The following KCNH8 variants were observed in gnomAD, a reference collection of about 807,000 sequenced individuals.
The protein encoded by KCNH8 is potassium voltage-gated channel subfamily H member 8, also known as voltage-gated delayed rectifier potassium channel KCNH8.
A neutral mutation model predicts 103.6 loss-of-function variants in KCNH8; 70 were observed. That is an observed-to-expected ratio of 0.68 (90% CI 0.56 to 0.82). The LOEUF (loss-of-function observed/expected upper bound fraction) is 0.82. Among genes scored for constraint, KCNH8 ranks in the 40% least tolerant of loss-of-function variants. The probability of loss-of-function intolerance (pLI) is 0.00; values close to 1 mark genes in which losing one functional copy is unlikely to be tolerated. For synonymous variants in KCNH8, 498 were observed against 489.4 expected, an observed-to-expected ratio of 1.02 and a Z score of -0.23; for missense variants, 1,217 against 1,329.9, an observed-to-expected ratio of 0.92 and a Z score of 1.32.
intron 5 of KCNH8, among the ~76,000 whole-genome samples, chr3:19,373,070 C>G (rs1485751994): frequency 6.6e-6 from 1 of 151,822 alleles, no homozygotes; most frequent in Admixed American, 6.6e-5. Context: ...GTCTAAAATT[C>G]TCTTTTTTGG....
chr3:19,527,927 G>A (rs958867517), intron 15 of KCNH8, among the ~76,000 whole-genome samples: 1 of 152,080 alleles, frequency 6.6e-6, no homozygotes, highest in African/African-American at 2.4e-5. Flanking sequence ...AGCACAGATG[G>A]TGTTTTCATC....
chr3:19,339,783 C>T (rs909503846), intron 3 of KCNH8, among the ~76,000 whole-genome samples: 4 of 152,046 alleles, frequency 2.6e-5, no homozygotes, highest in Non-Finnish European at 5.9e-5. Flanking sequence ...GTCATTAAAG[C>T]ATCCCAGAGT....
intron 12 of KCNH8, among the ~76,000 whole-genome samples, chr3:19,512,162 G>C (rs2068794021): frequency 6.6e-6 from 1 of 152,198 alleles, no homozygotes; most frequent in South Asian, 2.1e-4. Context: ...CACTATTACA[G>C]TGACTCTGTT....
At position 19,156,202 on chromosome 3, in the gene KCNH8, G is replaced by A. The variant is rs377120751; in HGVS notation, c.76+7407G>A. Among the ~76,000 whole-genome samples, 86 of 152,276 alleles carry A rather than the reference G, an allele frequency of 5.6e-4. 4 individuals carry two copies. The South Asian group carries it at 0.017, about 31-fold the overall frequency. ...CATGTCTACATGCATGCTGTGTACTGTGCTGGTGCTTTTTCTGTTCCTATC... is the reference window on the plus strand; with the variant it reads ...CATGTCTACATGCATGCTGTGTACTATGCTGGTGCTTTTTCTGTTCCTATC... On this transcript the variant is annotated intron_variant, in intron 1 of 15. Transcript: ENST00000328405.
intron 12 of KCNH8, 108 bp downstream of exon 12, chr3:19,510,509 C>T (rs892968414): frequency 1.3e-6 from 1 of 745,210 alleles, no homozygotes; most frequent in East Asian, 2.7e-5. Flanking sequence ...TTTTACTTTC[C>T]CTACTTGACT....
At chr3:19,397,032 C>G (rs528339260) in intron 7 of KCNH8, among the ~76,000 whole-genome samples, 2 of 152,038 alleles carry the variant, frequency 1.3e-5, no homozygotes, top group South Asian at 4.1e-4. Context: ...GTTATATGAA[C>G]AAAGCCTTTT....
In KCNH8 at chr3:19,197,412, T is replaced by G. The variant is rs112663081; in HGVS notation, c.76+48617T>G. Among the ~76,000 whole-genome samples, 180 of 152,238 alleles carry G rather than the reference T, an allele frequency of 1.2e-3. 2 individuals carry two copies. Among genetic ancestry groups the G allele is most frequent in the African/African-American group, 3.7e-3 (154 of 41,570 alleles). On this transcript the variant is annotated intron_variant, in intron 1 of 15. Coordinates refer to ENST00000328405, the MANE Select transcript of KCNH8 (RefSeq NM_144633.3). ...GAATTTTTATCTCTCCCATAAAGTT[T>G]CCCCAAATCTATCTGGCATTGGAGC...
intron 3 of KCNH8, among the ~76,000 whole-genome samples, chr3:19,310,226 T>TA: frequency 6.6e-6 from 1 of 152,046 alleles, no homozygotes; most frequent in East Asian, 1.9e-4. Flanking sequence ...TTTCCTTTTA[T>TA]TTTTTATCCA....
At chr3:19,464,212 G>C (rs758309545) in intron 11 of KCNH8, among the ~76,000 whole-genome samples, 9 of 152,044 alleles carry the variant, frequency 5.9e-5, no homozygotes, top group African/African-American at 9.7e-5. Flanking sequence ...AATTTCAATA[G>C]AACAGGTTCC....
intron 2 of KCNH8, among the ~76,000 whole-genome samples, chr3:19,279,942 A>C (rs544794981): frequency 6.6e-6 from 1 of 152,206 alleles, no homozygotes; most frequent in East Asian, 1.9e-4. Context: ...TGAAATCAAC[A>C]CCCAAATAAG....
rs200113188 is a variant in KCNH8, at chr3:19,170,743, T to A, written c.76+21948T>A. Among the ~76,000 whole-genome samples the A allele has an allele frequency of 1.8e-3, 200 of 113,950 alleles. 2 individuals carry two copies. Among genetic ancestry groups the A allele is most frequent in the Admixed American group, 4.7e-3 (53 of 11,362 alleles). The allele number at this position is 113,950 out of a possible 152,430, so 74.8% of individuals were successfully genotyped here. A position where few individuals can be genotyped will look rare whatever the true frequency, so the allele number is the denominator to read the frequency against. On this transcript the variant is annotated intron_variant, in intron 1 of 15. Transcript: ENST00000328405. Reference sequence around the variant, plus strand: ...ACACATATATACACACACATATATATACACACACATATATATACACACATA... The same window carrying A: ...ACACATATATACACACACATATATAAACACACACATATATATACACACATA...
At chr3:19,216,147 C>A (rs2063815575) in intron 1 of KCNH8, among the ~76,000 whole-genome samples, 1 of 152,192 alleles carries the variant, frequency 6.6e-6, no homozygotes, top group Non-Finnish European at 1.5e-5. Context: ...CTATCATTCA[C>A]AAACAACTCG....
intron 3 of KCNH8, among the ~76,000 whole-genome samples, chr3:19,328,757 TAAAAG>T (rs1271600460): frequency 6.6e-6 from 1 of 152,174 alleles, no homozygotes; most frequent in African/African-American, 2.4e-5. Flanking sequence ...AGAATTTCCA[TAAAAG>T]AAACTCCTAA....
intron 1 of KCNH8, among the ~76,000 whole-genome samples, chr3:19,150,571 A>G (rs1434134759): frequency 6.6e-6 from 1 of 152,178 alleles, no homozygotes; most frequent in Non-Finnish European, 1.5e-5. Context: ...GCTTTAAATC[A>G]TCAGCGTGGA....
At chr3:19,525,192 T>C (rs1313973790) in intron 15 of KCNH8, among the ~76,000 whole-genome samples, 1 of 151,872 alleles carries the variant, frequency 6.6e-6, no homozygotes, top group Non-Finnish European at 1.5e-5. Flanking sequence ...CATAAATATA[T>C]ATTATTTTTG....
chr3:19,217,665 G>A (rs1454531756), intron 1 of KCNH8, among the ~76,000 whole-genome samples: 2 of 152,070 alleles, frequency 1.3e-5, no homozygotes, highest in Non-Finnish European at 1.5e-5. Context: ...TCAAAATCTC[G>A]TAGGTATTAA....
At chr3:19,446,319 G>A (rs1327250718) in intron 8 of KCNH8, among the ~76,000 whole-genome samples, 2 of 152,010 alleles carry the variant, frequency 1.3e-5, no homozygotes, top group East Asian at 1.9e-4. Flanking sequence ...GTTCATCACT[G>A]ATAACATATT....
intron 7 of KCNH8, among the ~76,000 whole-genome samples, chr3:19,401,700 G>A (rs1417455871): frequency 6.6e-6 from 1 of 151,684 alleles, no homozygotes; most frequent in African/African-American, 2.4e-5. Context: ...AATAAACTTT[G>A]CTTCTTATAA....
rs2068762894 is a variant in KCNH8, at chr3:19,510,377, A to G, written c.2055A>G (p.Leu685=). Residue 685 remains leucine, a synonymous_variant, in exon 12 of 16, where the codon CTA becomes CTG. Transcript: ENST00000328405. ...TGTTCTTTCAGGTGATATCAAGACTATCAAACAAATCTATGGTCTCACAGG... is the reference window on the plus strand; with the variant it reads ...TGTTCTTTCAGGTGATATCAAGACTGTCAAACAAATCTATGGTCTCACAGG... ...EGHESDVISR[L]SNKSMVSQSE... is the part of the protein sequence containing the mutation. 6.3e-7 allele frequency: 1 copy of G among 1,582,524 alleles called. No homozygotes were observed. Among genetic ancestry groups the G allele is most frequent in the Non-Finnish European group, 8.7e-7 (1 of 1,151,470 alleles).
Sources: gnomAD v4.1 joint callset for allele counts (sites outside exome capture counted in the v4.1 genomes callset) on GRCh38, gnomAD v4.1.1 for gene constraint, MANE v1.5 for transcripts, NCBI Gene and HGNC (gene_info 2026-07-23, HGNC 2026-07-21) for gene names.